TRDN: variants seen among roughly 807,000 people sequenced by gnomAD.
The protein encoded by TRDN is triadin in skeletal muscle.
Under a neutral mutation model 149.7 loss-of-function variants are expected in TRDN, and 161 were observed. The ratio of observed to expected loss-of-function variants is 1.08; its 90% confidence interval spans 0.95 to 1.23. The LOEUF (loss-of-function observed/expected upper bound fraction) is 1.23, where lower values mean the gene tolerates loss of function less well. Among genes scored for constraint, TRDN ranks in the 50% most tolerant of loss-of-function variants. The pLI is 0.00. For missense variants in TRDN, 896 were observed against 823.5 expected (o/e 1.09, Z -1.08); for synonymous variants, 294 against 250.5 (o/e 1.17, Z -1.64).
At chr6:123,574,681 G>T (rs138514332) in intron 1 of TRDN, among the ~76,000 whole-genome samples, 64 of 151,722 alleles carry the variant, frequency 4.2e-4, no homozygotes, top group African/African-American at 1.5e-3. Flanking sequence ...TTGCACTTCA[G>T]ATTCACTGTA....
intron 10 of TRDN, among the ~76,000 whole-genome samples, chr6:123,448,058 G>T (rs901285762): frequency 1.3e-5 from 2 of 152,218 alleles, no homozygotes; most frequent in African/African-American, 4.8e-5. Flanking sequence ...AAAATGCAGG[G>T]GCAGAGGAAG....
At chr6:123,225,994 G>C (rs1263440747) in intron 38 of TRDN, among the ~76,000 whole-genome samples, 1 of 151,774 alleles carries the variant, frequency 6.6e-6, no homozygotes, top group East Asian at 1.9e-4. Context: ...GATAGGGTCA[G>C]TATGCAAATT....
intron 10 of TRDN, 75 bp downstream of exon 10, chr6:123,464,831 A>G: frequency 6.5e-7 from 1 of 1,528,350 alleles, no homozygotes; most frequent in Non-Finnish European, 8.8e-7. Flanking sequence ...CTTTGTGACT[A>G]TTTTTGTTGT....
rs1483064243 is a variant in TRDN at position 123,455,432 on chromosome 6, GTGTGTGTC to G, written c.931+9466_931+9473del. Reference sequence around the variant, plus strand: ...TGTGTGTGTGTGTGTGTGTGTGTGTGTGTGTGTCTGTGTGTGTTAGAGAAACAAAGAGA... The same window carrying G: ...TGTGTGTGTGTGTGTGTGTGTGTGTGTGTGTGTGTTAGAGAAACAAAGAGA... On this transcript the variant is annotated intron_variant, in intron 10 of 40. Transcript: ENST00000334268. Among the ~76,000 whole-genome samples, 54 of 149,716 alleles carry G rather than the reference GTGTGTGTC, an allele frequency of 3.6e-4. 1 individual carries two copies. In the South Asian group the frequency reaches 6.0e-3, roughly 17 times the overall value.
chr6:123,489,257 A>G (rs1304366460), intron 9 of TRDN, among the ~76,000 whole-genome samples: 2 of 152,140 alleles, frequency 1.3e-5, no homozygotes, highest in South Asian at 2.1e-4. Flanking sequence ...ATGTACATAT[A>G]TATCTTTTAA....
At chr6:123,267,626 C>T (rs1777057360) in intron 32 of TRDN, 81 bp downstream of exon 32, 5 of 954,170 alleles carry the variant, frequency 5.2e-6, no homozygotes, top group East Asian at 2.9e-5. Flanking sequence ...GTGAAAATGA[C>T]TTGTATGCAT....
At chr6:123,601,570 A>G (rs910246506) in intron 1 of TRDN, among the ~76,000 whole-genome samples, 1 of 152,076 alleles carries the variant, frequency 6.6e-6, no homozygotes, top group African/African-American at 2.4e-5. Flanking sequence ...CTAATTGGTA[A>G]AAGGAGTTCC....
At chr6:123,515,444 G>T (rs1263909655) in intron 6 of TRDN, among the ~76,000 whole-genome samples, 1 of 151,804 alleles carries the variant, frequency 6.6e-6, no homozygotes, top group Non-Finnish European at 1.5e-5. Flanking sequence ...ACACTATGCA[G>T]CTTTTTAAAG....
intron 24 of TRDN, among the ~76,000 whole-genome samples, chr6:123,301,278 G>C (rs920493492): frequency 3.9e-5 from 6 of 151,906 alleles, no homozygotes; most frequent in Non-Finnish European, 8.8e-5. Flanking sequence ...GTTGACAAGA[G>C]GAATATACAC....
At chr6:123,398,152 C>A (rs527499346) in intron 12 of TRDN, among the ~76,000 whole-genome samples, 1 of 152,170 alleles carries the variant, frequency 6.6e-6, no homozygotes, top group African/African-American at 2.4e-5. Context: ...TTACAGGCGT[C>A]CGCCACTGCG....
chr6:123,280,656 T>C (rs1221218111), intron 24 of TRDN, among the ~76,000 whole-genome samples: 1 of 150,258 alleles, frequency 6.7e-6, no homozygotes, highest in East Asian at 1.9e-4. Flanking sequence ...TTCTTTCTTT[T>C]TTTTTTTTTT....
intron 9 of TRDN, among the ~76,000 whole-genome samples, chr6:123,481,971 A>G (rs2114771862): frequency 6.6e-6 from 1 of 152,182 alleles, no homozygotes; most frequent in Admixed American, 6.5e-5. Context: ...CTTTTTAATC[A>G]CTCTGTTAAA....
chr6:123,428,399 C>T (rs1774209839), intron 12 of TRDN, among the ~76,000 whole-genome samples: 1 of 152,286 alleles, frequency 6.6e-6, no homozygotes, highest in African/African-American at 2.4e-5. Context: ...TATAGGGCAG[C>T]ACCTATGGCC....
intron 39 of TRDN, among the ~76,000 whole-genome samples, chr6:123,223,500 G>T (rs1276958237): frequency 6.6e-6 from 1 of 151,586 alleles, no homozygotes; most frequent in Non-Finnish European, 1.5e-5. Context: ...AAAAAGCCAG[G>T]AACCTTTCAG....
At chr6:123,566,368 A>G (rs1165879025) in intron 2 of TRDN, among the ~76,000 whole-genome samples, 1 of 152,248 alleles carries the variant, frequency 6.6e-6, no homozygotes, top group African/African-American at 2.4e-5. Flanking sequence ...TGAACCACAA[A>G]TAAAAGCCAA....
At chr6:123,398,587 C>T (rs971536116) in intron 12 of TRDN, among the ~76,000 whole-genome samples, 1 of 152,004 alleles carries the variant, frequency 6.6e-6, no homozygotes, top group African/African-American at 2.4e-5. Flanking sequence ...ATAGATAGTA[C>T]CAAAATAGAG....
chr6:123,450,903 C>G (rs1775729492), intron 10 of TRDN, among the ~76,000 whole-genome samples: 1 of 152,120 alleles, frequency 6.6e-6, no homozygotes, highest in African/African-American at 2.4e-5. Context: ...CAAGCACTCT[C>G]TCAGACCACA....
At chr6:123,342,106 T>A (rs182502216) in intron 21 of TRDN, among the ~76,000 whole-genome samples, 2 of 152,102 alleles carry the variant, frequency 1.3e-5, no homozygotes, top group East Asian at 3.9e-4. Flanking sequence ...CACTTTGATA[T>A]TCTTATCCTT....
At chr6:123,369,719 C>T (rs923822594) in intron 19 of TRDN, among the ~76,000 whole-genome samples, 4 of 152,152 alleles carry the variant, frequency 2.6e-5, no homozygotes, top group African/African-American at 7.2e-5. Flanking sequence ...CCAGCACATA[C>T]TCATCCATTT....
Sources: gnomAD v4.1 joint callset for allele counts (sites outside exome capture counted in the v4.1 genomes callset) on GRCh38, gnomAD v4.1.1 for gene constraint, MANE v1.5 for transcripts, NCBI Gene and HGNC (gene_info 2026-07-23, HGNC 2026-07-21) for gene names.